Variants in RAP1GAP2 observed in about 807,000 individuals in gnomAD.
RAP1GAP2 encodes the protein rap1 GTPase-activating protein 2.
A neutral mutation model predicts 95.0 loss-of-function variants in RAP1GAP2; 27 were observed. The observed-to-expected ratio is 0.28, with a 90% CI of 0.21 to 0.39. The LOEUF is 0.39. RAP1GAP2 is among the 10% of genes least tolerant of loss of function. RAP1GAP2 has a pLI of 1.00. For synonymous variants in RAP1GAP2, 373 were observed against 380.9 expected (o/e 0.98, Z 0.24); for missense variants, 771 against 970.0 (o/e 0.79, Z 2.72).
At chr17:2,953,335 G>T (rs1227948952) in intron 3 of RAP1GAP2, among the ~76,000 whole-genome samples, 1 of 151,978 alleles carries the variant, frequency 6.6e-6, no homozygotes, top group Non-Finnish European at 1.5e-5. Flanking sequence ...GTGTAGCTAG[G>T]ATTACAGGTG....
rs1415440968 is a variant in RAP1GAP2, at chr17:2,902,299, C to T, written c.81-2985C>T. Among the ~76,000 whole-genome samples the T allele has an allele frequency of 6.6e-6, 1 of 152,156 alleles. No homozygotes were observed. The highest frequency in any genetic ancestry group is 1.5e-5 in the Non-Finnish European group (1 of 68,022). On this transcript the variant is annotated intron_variant, in intron 2 of 24. Transcript: ENST00000254695. This position sits in a 1 kb window ranked among gnomAD's most constrained non-coding sequence, Gnocchi z 4.1. ...TGGCACGATCTCAGCTCACTGCAAC[C>T]TCCACCTCTTGGGTTCAAGCGATTC...
intron 2 of RAP1GAP2, among the ~76,000 whole-genome samples, chr17:2,810,521 C>CGTT (rs2069720626): frequency 8.8e-6 from 1 of 113,738 alleles, no homozygotes; most frequent in Non-Finnish European, 1.8e-5. Context: ...GTCCCCCCAC[C>CGTT]CTTTTTTTTT....
At chr17:3,028,806 C>T (rs990047410) in intron 22 of RAP1GAP2, among the ~76,000 whole-genome samples, 2 of 152,056 alleles carry the variant, frequency 1.3e-5, no homozygotes, top group African/African-American at 4.8e-5. Flanking sequence ...TACAAATTCC[C>T]TGATTTTTTT....
chr17:2,832,334 G>A (rs34943638), intron 2 of RAP1GAP2, among the ~76,000 whole-genome samples: 23,508 of 151,410 alleles, frequency 0.16, 1,999 homozygotes, highest in Non-Finnish European at 0.19. Context: ...CAAGGTGGGT[G>A]GATCACGAGG....
At chr17:2,973,219 G>C (rs146370477) in intron 8 of RAP1GAP2, among the ~76,000 whole-genome samples, 213 of 152,248 alleles carry the variant, frequency 1.4e-3, no homozygotes, top group African/African-American at 4.8e-3. Flanking sequence ...TTGCACAGTA[G>C]AATGATCACT....
In RAP1GAP2 at chr17:2,965,990, C is replaced by T. The variant is rs972543288; in HGVS notation, c.596+347C>T. ...GACTCATCCTGCTGAGACACAGCTC[C>T]GAGTCCTGGGAGAGGGTTCGCCAGA... On this transcript the variant is annotated intron_variant, in intron 8 of 24. Coordinates refer to ENST00000254695, the MANE Select transcript of RAP1GAP2 (RefSeq NM_015085.5). The surrounding 1 kb of genome is among the most constrained non-coding windows in gnomAD (Gnocchi z 4.7). 8 of 260,892 alleles carry T rather than the reference C, an allele frequency of 3.1e-5. No homozygotes were observed. Among genetic ancestry groups the T allele is most frequent in the East Asian group, 8.4e-5 (1 of 11,958 alleles). The allele number at this position is 260,892 out of a possible 1,614,324, so 16.2% of individuals were successfully genotyped here.
intron 1 of RAP1GAP2, 57 bp from the exon 2 acceptor site, chr17:2,800,458 C>G (rs1226286663): frequency 6.4e-7 from 1 of 1,568,584 alleles, no homozygotes; most frequent in Non-Finnish European, 8.7e-7. Flanking sequence ...CATACAGATG[C>G]TATGTAGGAG....
At chr17:2,898,592 C>T (rs1489996153) in intron 2 of RAP1GAP2, among the ~76,000 whole-genome samples, 2 of 152,200 alleles carry the variant, frequency 1.3e-5, no homozygotes, top group Non-Finnish European at 1.5e-5. Flanking sequence ...AGCTGGGCTC[C>T]CGTGTCCCTG....
rs978577201 is a variant in RAP1GAP2, at chr17:2,949,973, ATCATAGCCCTTC to A, written c.166-7782_166-7771del. Among the ~76,000 whole-genome samples, 46 of 152,142 alleles carry A rather than the reference ATCATAGCCCTTC, an allele frequency of 3.0e-4. 1 individual carries two copies. The highest frequency in any genetic ancestry group is 1.1e-3 in the African/African-American group (45 of 41,496). On this transcript the variant is annotated intron_variant, in intron 3 of 24. Transcript: ENST00000254695. ...GCACGTTGCTCATGGCTGAGGCTGA[ATCATAGCCCTTC>A]TCACCAACTGTGCCAGCCCCAGGCC...
chr17:2,912,344 G>T (rs377650624), intron 3 of RAP1GAP2, among the ~76,000 whole-genome samples: 2 of 152,182 alleles, frequency 1.3e-5, no homozygotes, highest in Non-Finnish European at 2.9e-5. Flanking sequence ...ACAGCCCCCG[G>T]CCTGATTTCG....
In RAP1GAP2 at chr17:3,018,170, G is replaced by C; in HGVS notation, c.1604G>C (p.Ser535Thr). 1 of 1,578,124 alleles carries C rather than the reference G, an allele frequency of 6.3e-7. No individual in the cohort carries two copies. The highest frequency in any genetic ancestry group is 2.3e-5 in the East Asian group (1 of 42,668). The change falls in exon 18 of 25, where the codon AGC (serine) becomes ACC (threonine). Residue 535 changes from serine (S) to threonine (T), a missense_variant. Transcript: ENST00000254695. ...CTCAGCGGGGGCATCTCCCACAACA[G>C]CATGGAGGTCACCAAGACCACCTTC... ...GSLSGGISHN[S>T]MEVTKTTFSP...
chr17:2,862,035 C>T (rs1367064647), intron 2 of RAP1GAP2, among the ~76,000 whole-genome samples: 1 of 152,136 alleles, frequency 6.6e-6, no homozygotes, highest in Non-Finnish European at 1.5e-5. Flanking sequence ...CCTTTCTTTC[C>T]TTCTGGAAGA....
At chr17:2,877,558 G>A (rs144465976) in intron 2 of RAP1GAP2, among the ~76,000 whole-genome samples, 236 of 152,132 alleles carry the variant, frequency 1.6e-3, no homozygotes, top group Admixed American at 3.2e-3. Flanking sequence ...GACCAGCCTG[G>A]CCAACATGGT....
At chr17:2,900,055 A>T (rs1317989725) in intron 2 of RAP1GAP2, among the ~76,000 whole-genome samples, 1 of 152,156 alleles carries the variant, frequency 6.6e-6, no homozygotes, top group Non-Finnish European at 1.5e-5. Flanking sequence ...AAGCAAGAGA[A>T]AGCGTAGCTG....
intron 3 of RAP1GAP2, among the ~76,000 whole-genome samples, chr17:2,915,334 C>T (rs1227103874): frequency 6.6e-6 from 1 of 150,536 alleles, no homozygotes; most frequent in East Asian, 2.0e-4. Flanking sequence ...GGGCTCAAGC[C>T]ATCCTTCCAC....
rs901487276 is a variant in RAP1GAP2, at chr17:2,761,979, CTTTTTTTT to C, written c.50+6232_50+6239del. Among the ~76,000 whole-genome samples, 207 of 77,732 alleles carry C rather than the reference CTTTTTTTT, an allele frequency of 2.7e-3. 2 individuals carry two copies. The highest frequency in any genetic ancestry group is 0.018 in the South Asian group (31 of 1,708). The allele number at this position is 77,732 out of a possible 152,430, so 51.0% of individuals were successfully genotyped here. A position where few individuals can be genotyped will look rare whatever the true frequency, so the allele number is the denominator to read the frequency against. Reference sequence around the variant, plus strand: ...ATGTAGTTATTGTCCGTTTATATATCTTTTTTTTTTTTTTTTTTTTTTTTTTTGAGACG... The same window carrying C: ...ATGTAGTTATTGTCCGTTTATATATCTTTTTTTTTTTTTTTTTTTGAGACG... On this transcript the variant is annotated intron_variant, in intron 1 of 25. Transcript: ENST00000637138.
intron 3 of RAP1GAP2, among the ~76,000 whole-genome samples, chr17:2,931,505 C>G (rs1051882010): frequency 6.6e-6 from 1 of 152,308 alleles, no homozygotes; most frequent in East Asian, 1.9e-4. Context: ...GTTAGGGCCT[C>G]GTTTGCCCCA....
intron 3 of RAP1GAP2, among the ~76,000 whole-genome samples, chr17:2,913,703 T>C (rs538174795): frequency 6.6e-6 from 1 of 152,332 alleles, no homozygotes; most frequent in African/African-American, 2.4e-5. Context: ...TTGTATTGTA[T>C]ACTTTGACTA....
At chr17:2,995,526 G>T (rs2045920290) in intron 13 of RAP1GAP2, 60 bp downstream of exon 13, 1 of 1,601,724 alleles carries the variant, frequency 6.2e-7, no homozygotes. Flanking sequence ...GCCTGCCTCT[G>T]GTCTGACCTG....
Sources: allele counts gnomAD v4.1 joint callset (sites outside exome capture counted in the v4.1 genomes callset), GRCh38; gene constraint gnomAD v4.1.1; non-coding constraint Gnocchi (gnomAD v3.1); transcripts MANE v1.5; gene names NCBI Gene and HGNC (gene_info 2026-07-23, HGNC 2026-07-21).